The following RALYL variants were observed in gnomAD, a reference collection of about 807,000 sequenced individuals.
RALYL encodes RNA-binding Raly-like protein.
Under a neutral mutation model 35.1 loss-of-function variants are expected in RALYL, and 29 were observed. The ratio of observed to expected loss-of-function variants is 0.83; its 90% CI spans 0.61 to 1.13. RALYL has a LOEUF of 1.13. Ranked by LOEUF, RALYL falls within the 50% of genes most tolerant of loss-of-function variation. The pLI, the probability that RALYL is intolerant of heterozygous loss-of-function variation, is 0.00. For missense variants in RALYL, 359 were observed against 360.4 expected (o/e 1.00, Z 0.03); for synonymous variants, 120 against 127.6 (o/e 0.94, Z 0.40).
chr8:84,687,689 AG>A (rs1837106297), intron 2 of RALYL, among the ~76,000 whole-genome samples: 1 of 152,102 alleles, frequency 6.6e-6, no homozygotes, highest in African/African-American at 2.4e-5. Context: ...TGAATTTTTT[AG>A]GGTTCTATGA....
intron 2 of RALYL, among the ~76,000 whole-genome samples, chr8:84,567,615 T>G (rs1254254694): frequency 6.6e-6 from 1 of 151,892 alleles, no homozygotes; most frequent in Non-Finnish European, 1.5e-5. Flanking sequence ...GATGAGCACT[T>G]AGGTTGGTTC....
chr8:84,254,877 T>C (rs1830928655), intron 1 of RALYL, among the ~76,000 whole-genome samples: 1 of 151,650 alleles, frequency 6.6e-6, no homozygotes, highest in Non-Finnish European at 1.5e-5. Context: ...GGAAGAATGA[T>C]GAATGCAGGA....
rs1479557804 is a variant in RALYL at position 84,526,797 on chromosome 8, T to C, written c.-23-2502T>C. ...CGGACACTGCTCTAGACCTGAAATATGTTTTACAGGCAGAAAGCTTGGCTG... is the reference window on the plus strand; with the variant it reads ...CGGACACTGCTCTAGACCTGAAATACGTTTTACAGGCAGAAAGCTTGGCTG... On this transcript the variant is annotated intron_variant, in intron 1 of 8. Transcript: ENST00000521268. Among the ~76,000 whole-genome samples the C allele has an allele frequency of 2.6e-5, 4 of 152,204 alleles. No homozygotes were observed. The South Asian group carries it at 6.2e-4, about 24-fold the overall frequency.
intron 1 of RALYL, among the ~76,000 whole-genome samples, chr8:84,251,908 C>T (rs1157857570): frequency 6.6e-6 from 1 of 151,022 alleles, no homozygotes; most frequent in East Asian, 1.9e-4. Flanking sequence ...TTTTCAAATT[C>T]TCCTGGTAGT....
At chr8:84,857,252 G>A (rs1350035293) in intron 5 of RALYL, among the ~76,000 whole-genome samples, 1 of 152,112 alleles carries the variant, frequency 6.6e-6, no homozygotes, top group Non-Finnish European at 1.5e-5. Context: ...AAAGGTGCTG[G>A]TGAGAATATG....
At chr8:84,497,603 G>T (rs2056172488) in intron 1 of RALYL, among the ~76,000 whole-genome samples, 1 of 147,620 alleles carries the variant, frequency 6.8e-6, no homozygotes, top group Non-Finnish European at 1.5e-5. Flanking sequence ...GGAAATGAAT[G>T]ATTTTTAAGG....
intron 1 of RALYL, among the ~76,000 whole-genome samples, chr8:84,414,589 T>G (rs907977025): frequency 1.3e-5 from 2 of 152,210 alleles, no homozygotes; most frequent in African/African-American, 4.8e-5. Context: ...CGTGCAAATA[T>G]ATTTAAGATT....
At chr8:84,742,321 C>A (rs761681003) in intron 2 of RALYL, among the ~76,000 whole-genome samples, 1 of 151,898 alleles carries the variant, frequency 6.6e-6, no homozygotes, top group South Asian at 2.1e-4. Context: ...ACCTTCAAAA[C>A]TATGGTTAAA....
intron 1 of RALYL, among the ~76,000 whole-genome samples, chr8:84,352,458 T>C (rs1056951006): frequency 1.3e-5 from 2 of 150,478 alleles, no homozygotes; most frequent in Admixed American, 6.6e-5. Context: ...GGATATTTGT[T>C]ATGCTTTTGT....
At chr8:84,458,367 A>G (rs1274398943) in intron 1 of RALYL, among the ~76,000 whole-genome samples, 3 of 151,910 alleles carry the variant, frequency 2.0e-5, no homozygotes, top group African/African-American at 7.2e-5. Context: ...ATTTCCAACC[A>G]TGACTCAAAA....
intron 3 of RALYL, among the ~76,000 whole-genome samples, chr8:84,792,431 C>A (rs963956594): frequency 6.6e-6 from 1 of 152,230 alleles, no homozygotes; most frequent in Admixed American, 6.5e-5. Flanking sequence ...TTCTGCCTTT[C>A]TTCTGCTCTT....
At chr8:84,728,743 A>G (rs1845515567) in intron 2 of RALYL, among the ~76,000 whole-genome samples, 1 of 152,088 alleles carries the variant, frequency 6.6e-6, no homozygotes, top group Admixed American at 6.6e-5. Flanking sequence ...TCCTTTCCCC[A>G]TTACTTGTTT....
intron 1 of RALYL, among the ~76,000 whole-genome samples, chr8:84,491,352 C>G (rs1438585073): frequency 1.3e-5 from 2 of 151,862 alleles, no homozygotes; most frequent in African/African-American, 4.8e-5. Flanking sequence ...TCTAATCTTA[C>G]CTGTTTTTGA....
chr8:84,543,990 T>G (rs971628829), intron 2 of RALYL, among the ~76,000 whole-genome samples: 1 of 152,044 alleles, frequency 6.6e-6, no homozygotes, highest in African/African-American at 2.4e-5. Flanking sequence ...CCTATAAGTC[T>G]CAGAAAAACA....
chr8:84,773,681 T>C (rs767627962), intron 2 of RALYL, among the ~76,000 whole-genome samples: 13 of 152,230 alleles, frequency 8.5e-5, no homozygotes, highest in Non-Finnish European at 1.8e-4. Context: ...TTTGACAACC[T>C]TGGAATTCAA....
In RALYL at chr8:84,880,247, G is replaced by T. The variant is rs895184976; in HGVS notation, c.685+6850G>T. Among the ~76,000 whole-genome samples the T allele has an allele frequency of 2.0e-5, 3 of 152,004 alleles. No homozygotes were observed. In the South Asian group the frequency reaches 6.2e-4, roughly 32 times the overall value. Reference sequence around the variant, plus strand: ...TTTGCCTCTCAAATGGGCAGAGAAAGAATTTACAATTGCAAGTTTGCTAAA... The same window carrying T: ...TTTGCCTCTCAAATGGGCAGAGAAATAATTTACAATTGCAAGTTTGCTAAA... On this transcript the variant is annotated intron_variant, in intron 7 of 8. Transcript: ENST00000521268.
At chr8:84,234,049 T>C (rs1474433490) in intron 1 of RALYL, among the ~76,000 whole-genome samples, 2 of 152,188 alleles carry the variant, frequency 1.3e-5, no homozygotes, top group Non-Finnish European at 2.9e-5. Flanking sequence ...TGTTGGCATC[T>C]CTTTTACCTA....
At chr8:84,548,771 G>C (rs2135393819) in intron 2 of RALYL, among the ~76,000 whole-genome samples, 2 of 152,000 alleles carry the variant, frequency 1.3e-5, no homozygotes, top group African/African-American at 4.8e-5. Context: ...AATTTTATTT[G>C]AGCCATTTTT....
Position 84,407,079 on chromosome 8 carries a change from C to G in RALYL, c.-23-122220C>G, listed in dbSNP as rs564347217. Among the ~76,000 whole-genome samples the G allele has an allele frequency of 2.8e-3, 428 of 151,382 alleles. 2 individuals are homozygous for G. Among genetic ancestry groups the G allele is most frequent in the African/African-American group, 9.8e-3 (402 of 40,954 alleles). On this transcript the variant is annotated intron_variant, in intron 1 of 8. Coordinates refer to ENST00000521268, the MANE Select transcript of RALYL (RefSeq NM_173848.7). ...ACACACACACACACAAACACACACA[C>G]ACACACAAGAATATATTCTGTGTGG...
Sources: allele counts gnomAD v4.1 joint callset (sites outside exome capture counted in the v4.1 genomes callset), GRCh38; gene constraint gnomAD v4.1.1; transcripts MANE v1.5; gene names NCBI Gene and HGNC (gene_info 2026-07-23, HGNC 2026-07-21).